SRGAP3: variants seen among roughly 807,000 people sequenced by gnomAD.
The protein encoded by SRGAP3 is SLIT-ROBO Rho GTPase activating protein 3.
In SRGAP3, 39 loss-of-function variants were observed where a neutral mutation model predicts 121.1. The ratio of observed to expected loss-of-function variants is 0.32; its 90% CI spans 0.25 to 0.42. The LOEUF is 0.42. Ranked by LOEUF, SRGAP3 falls within the 10% of genes least tolerant of loss-of-function variation. The probability of loss-of-function intolerance (pLI) is 1.00; values close to 1 mark genes in which losing one functional copy is unlikely to be tolerated. For missense variants in SRGAP3, 1,213 were observed against 1,470.6 expected, an observed-to-expected ratio of 0.82 and a Z score of 2.86; for synonymous variants, 601 against 570.0, an observed-to-expected ratio of 1.05 and a Z score of -0.77.
At chr3:9,080,729 G>A (rs957243370) in intron 3 of SRGAP3, among the ~76,000 whole-genome samples, 3 of 152,060 alleles carry the variant, frequency 2.0e-5, no homozygotes, top group East Asian at 1.9e-4. Context: ...ATTCTCATAC[G>A]TCCTCGAACC....
chr3:9,356,666 C>T (rs1281944449), intron 1 of SRGAP3, among the ~76,000 whole-genome samples: 1 of 152,094 alleles, frequency 6.6e-6, no homozygotes, highest in Non-Finnish European at 1.5e-5. Context: ...AGCCACCACG[C>T]TCAGCCAATT....
chr3:9,255,033 G>GAAGA (rs1222236546), intron 3 of SRGAP3, among the ~76,000 whole-genome samples: 1 of 102,444 alleles, frequency 9.8e-6, no homozygotes, highest in Admixed American at 1.0e-4. Flanking sequence ...AGAAAGAAAG[G>GAAGA]AAGAAAGAAA....
chr3:9,328,724 C>T (rs558712850), intron 2 of SRGAP3, among the ~76,000 whole-genome samples: 49 of 152,280 alleles, frequency 3.2e-4, no homozygotes, highest in Non-Finnish European at 6.8e-4. Flanking sequence ...ACTTCCCAAC[C>T]AGGGACTCCA....
At chr3:9,052,070 G>A (rs755987349) in intron 9 of SRGAP3, among the ~76,000 whole-genome samples, 1 of 152,178 alleles carries the variant, frequency 6.6e-6, no homozygotes. Flanking sequence ...CTTAGAAGAG[G>A]CATCAGCACA....
intron 18 of SRGAP3, among the ~76,000 whole-genome samples, chr3:9,005,885 A>C (rs1029169618): frequency 1.4e-4 from 21 of 152,222 alleles, no homozygotes; most frequent in Non-Finnish European, 2.2e-4. Flanking sequence ...TGAATACACA[A>C]AAAAATCACT....
intron 1 of SRGAP3, among the ~76,000 whole-genome samples, chr3:9,175,983 G>A (rs568908353): frequency 3.0e-4 from 45 of 152,240 alleles, no homozygotes; most frequent in Admixed American, 2.4e-3. Flanking sequence ...GTGCGATGGC[G>A]CAGTCTCGGC....
intron 1 of SRGAP3, among the ~76,000 whole-genome samples, chr3:9,202,582 A>G (rs1438811493): frequency 6.6e-6 from 1 of 151,840 alleles, no homozygotes; most frequent in Non-Finnish European, 1.5e-5. Context: ...CAAGGCACAG[A>G]CCTCCACATG....
chr3:9,066,154 C>A (rs1402604395), intron 4 of SRGAP3, among the ~76,000 whole-genome samples: 1 of 152,134 alleles, frequency 6.6e-6, no homozygotes, highest in Non-Finnish European at 1.5e-5. Context: ...CTTTTAGTAG[C>A]CTGAACACTG....
At chr3:9,160,799 T>TATA (rs963394206) in intron 1 of SRGAP3, among the ~76,000 whole-genome samples, 9 of 152,222 alleles carry the variant, frequency 5.9e-5, no homozygotes, top group Non-Finnish European at 1.2e-4. Context: ...AATATTATTT[T>TATA]ATAATAATAA....
At chr3:9,328,635 G>C (rs1286790934) in intron 2 of SRGAP3, among the ~76,000 whole-genome samples, 1 of 152,162 alleles carries the variant, frequency 6.6e-6, no homozygotes, top group Non-Finnish European at 1.5e-5. Flanking sequence ...TAGTTGCTCA[G>C]AGAAAGGAAA....
chr3:9,341,050 T>C (rs2086179493), intron 1 of SRGAP3, among the ~76,000 whole-genome samples: 1 of 152,184 alleles, frequency 6.6e-6, no homozygotes, highest in Non-Finnish European at 1.5e-5. Context: ...ACATAACAGA[T>C]TGAGACAGAA....
rs1435159775 is a variant in SRGAP3 at position 9,338,266 on chromosome 3, T to C, written n.215-7670A>G. Among the ~76,000 whole-genome samples, 3 of 151,848 alleles carry C rather than the reference T, an allele frequency of 2.0e-5. No individual in the cohort carries two copies. In the East Asian group the frequency reaches 5.8e-4, roughly 29 times the overall value. On this transcript the variant is annotated intron_variant and non_coding_transcript_variant, in intron 1 of 3. Transcript: ENST00000490889. Reference sequence around the variant, plus strand: ...AGTGCTTGCATATATAGATTCTAAATAAAAAAAGAGTAGTAGAAACCTCCA... The same window carrying C: ...AGTGCTTGCATATATAGATTCTAAACAAAAAAAGAGTAGTAGAAACCTCCA...
intron 1 of SRGAP3, among the ~76,000 whole-genome samples, chr3:9,129,625 TTTTG>T (rs1466119699): frequency 6.6e-6 from 1 of 152,074 alleles, no homozygotes; most frequent in Non-Finnish European, 1.5e-5. Context: ...GTTTGGGTTT[TTTTG>T]TTTGTTAGTT....
At chr3:9,135,989 G>A (rs1373547578) in intron 1 of SRGAP3, among the ~76,000 whole-genome samples, 1 of 152,224 alleles carries the variant, frequency 6.6e-6, no homozygotes, top group Non-Finnish European at 1.5e-5. Context: ...GAGCCATGGC[G>A]GCTGCTGTAG....
chr3:9,333,042 T>A (rs1955636642), intron 1 of SRGAP3, among the ~76,000 whole-genome samples: 1 of 152,204 alleles, frequency 6.6e-6, no homozygotes, highest in African/African-American at 2.4e-5. Context: ...ATACGCTAGC[T>A]TCTTGACAGA....
intron 1 of SRGAP3, among the ~76,000 whole-genome samples, chr3:9,184,202 A>G (rs1951524468): frequency 6.6e-6 from 1 of 152,170 alleles, no homozygotes; most frequent in Non-Finnish European, 1.5e-5. Context: ...GGCAAGGTGA[A>G]GCCAGAGGCC....
intron 7 of SRGAP3, among the ~76,000 whole-genome samples, chr3:9,057,584 C>A (rs1313061176): frequency 6.6e-6 from 1 of 152,178 alleles, no homozygotes; most frequent in Non-Finnish European, 1.5e-5. Flanking sequence ...CCCAGCTGAG[C>A]CTCACTGGGA....
chr3:9,348,291 T>C (rs1276239802), intron 1 of SRGAP3, among the ~76,000 whole-genome samples: 1 of 151,802 alleles, frequency 6.6e-6, no homozygotes, highest in South Asian at 2.1e-4. Context: ...ATGCAATGAC[T>C]AAGGAAGAGA....
intron 3 of SRGAP3, among the ~76,000 whole-genome samples, chr3:9,314,159 C>T (rs1006354584): frequency 2.5e-4 from 38 of 152,162 alleles, no homozygotes; most frequent in East Asian, 1.2e-3. Flanking sequence ...AATAAAAATA[C>T]GGGACAAGAA....
Sources: gnomAD v4.1 joint callset for allele counts (sites outside exome capture counted in the v4.1 genomes callset) on GRCh38, gnomAD v4.1.1 for gene constraint, MANE v1.5 for transcripts, NCBI Gene and HGNC (gene_info 2026-07-23, HGNC 2026-07-21) for gene names.